The following EDA variants were observed in gnomAD, a reference collection of about 807,000 sequenced individuals.
EDA encodes the protein ectodysplasin A.
EDA carries 2 observed loss-of-function variants against 23.6 expected under a neutral mutation model. That is an observed-to-expected ratio of 0.08 (90% CI 0.03 to 0.27). EDA has a LOEUF of 0.27. Ranked by LOEUF, EDA falls within the 10% of genes least tolerant of loss-of-function variation. The pLI is 1.00. For synonymous variants in EDA, 131 were observed against 132.0 expected (o/e 0.99, Z 0.05); for missense variants, 229 against 324.2 (o/e 0.71, Z 2.26).
intron 1 of EDA, among the ~76,000 whole-genome samples, chrX:69,700,600 G>T (rs1433956756): frequency 1.8e-5 from 2 of 110,775 alleles, no homozygotes; most frequent in Admixed American, 1.9e-4. Context: ...TGGCAAGGAG[G>T]CGAGAAATGA....
chrX:69,805,535 G>C, intron 1 of EDA, among the ~76,000 whole-genome samples: 1 of 111,164 alleles, frequency 9.0e-6, no homozygotes, highest in Non-Finnish European at 1.9e-5. Context: ...CTCTGCTTAG[G>C]AAAGTAAGAC....
chrX:69,980,251 T>C (rs2019386188), intron 2 of EDA, among the ~76,000 whole-genome samples: 1 of 111,942 alleles, frequency 8.9e-6, no homozygotes, highest in Non-Finnish European at 1.9e-5. Context: ...AGACCTTCCT[T>C]CCCATCTTAC....
chrX:69,933,190 A>T (rs954390837), intron 1 of EDA, among the ~76,000 whole-genome samples: 14 of 111,610 alleles, frequency 1.3e-4, no homozygotes, highest in African/African-American at 4.2e-4. Context: ...GTGCTTTTAT[A>T]TATTGGTTAT....
At chrX:69,959,968 AAGG>A (rs983313414) in intron 2 of EDA, among the ~76,000 whole-genome samples, 1 of 111,525 alleles carries the variant, frequency 9.0e-6, no homozygotes, top group Non-Finnish European at 1.9e-5. Context: ...AGGAAGAGGG[AAGG>A]AGATGAGTTA....
intron 1 of EDA, among the ~76,000 whole-genome samples, chrX:69,780,011 T>C (rs1363343436): frequency 9.8e-6 from 1 of 101,660 alleles, no homozygotes; most frequent in Non-Finnish European, 2.0e-5. Context: ...TTAGTAGTCA[T>C]AGTTTAAAGA....
In EDA at chrX:69,783,832, GT is replaced by G. The variant is rs1269227160; in HGVS notation, c.396+167129del. Reference sequence around the variant, plus strand: ...AGTAATGGGATGACTGGGTCAAATGGTATTTCTAGTTCTAGATCCCTGAGGA... The same window carrying G: ...AGTAATGGGATGACTGGGTCAAATGGATTTCTAGTTCTAGATCCCTGAGGA... On this transcript the variant is annotated intron_variant, in intron 1 of 7. Coordinates refer to ENST00000374552, the MANE Select transcript of EDA (RefSeq NM_001399.5). 3.8e-5 allele frequency among the ~76,000 whole-genome samples: 4 copies of G among 104,934 alleles called. No individual in the cohort carries two copies. The East Asian group carries it at 1.2e-3, about 30-fold the overall frequency. 91.1% of individuals were successfully genotyped at this position (104,934 alleles called of 115,157 possible).
intron 2 of EDA, among the ~76,000 whole-genome samples, chrX:70,013,220 G>A (rs1040943522): frequency 9.0e-6 from 1 of 111,516 alleles, no homozygotes; most frequent in Non-Finnish European, 1.9e-5. Flanking sequence ...CAGCTGCAGC[G>A]GTATCGCCCT....
At chrX:69,863,591 A>G (rs1259345744) in intron 1 of EDA, among the ~76,000 whole-genome samples, 2 of 78,386 alleles carry the variant, frequency 2.6e-5, no homozygotes, top group Non-Finnish European at 5.0e-5. Flanking sequence ...GTATATATAC[A>G]TATATGTATA....
chrX:70,019,282 C>T (rs5936823), intron 2 of EDA, among the ~76,000 whole-genome samples: 35,357 of 110,907 alleles, frequency 0.32, 4,679 homozygotes, highest in African/African-American at 0.52. Flanking sequence ...GAAAGCAGTG[C>T]GGTGATTCCT....
intron 2 of EDA, among the ~76,000 whole-genome samples, chrX:70,021,206 G>A (rs960508392): frequency 8.9e-5 from 10 of 111,808 alleles, no homozygotes; most frequent in African/African-American, 2.3e-4. Flanking sequence ...TGTGAGTTGC[G>A]TTTCATTATT....
intron 1 of EDA, among the ~76,000 whole-genome samples, chrX:69,697,990 A>G (rs193254451): frequency 2.5e-3 from 282 of 111,771 alleles, no homozygotes; most frequent in African/African-American, 8.2e-3. Flanking sequence ...GAGCATTTCC[A>G]GGGCTGGGGA....
chrX:69,623,654 ATTTTC>A (rs1163852925), intron 1 of EDA, among the ~76,000 whole-genome samples: 1 of 98,891 alleles, frequency 1.0e-5, no homozygotes, highest in African/African-American at 3.6e-5. Context: ...CATTCTAGGT[ATTTTC>A]TTTTTTTTCT....
chrX:70,035,682 G>T lies in EDA; in HGVS notation c.*73G>T. ...GCCAGGACTCCCAGAACCTCTAAGT[G>T]CTGCTGTGGAGTGAGGTGTATTGGT... is the stretch of plus-strand genomic sequence containing the variant. On this transcript the variant is annotated 3_prime_UTR_variant, in exon 8 of 8. Coordinates refer to ENST00000374552, the MANE Select transcript of EDA (RefSeq NM_001399.5). 8.7e-7 allele frequency: 1 copy of T among 1,146,254 alleles called. No individual in the cohort carries two copies. Among genetic ancestry groups the T allele is most frequent in the Non-Finnish European group, 1.2e-6 (1 of 842,588 alleles). 94.5% of individuals were successfully genotyped at this position (1,146,254 alleles called of 1,213,427 possible). A position where few individuals can be genotyped will look rare whatever the true frequency, so the allele number is the denominator to read the frequency against.
chrX:69,714,953 G>A (rs1161737484), intron 1 of EDA, among the ~76,000 whole-genome samples: 2 of 109,962 alleles, frequency 1.8e-5, no homozygotes, highest in Non-Finnish European at 3.8e-5. Context: ...AGGAATTATA[G>A]TAAACCTGTG....
chrX:69,616,929 G>C, intron 1 of EDA: 1 of 455,077 alleles, frequency 2.2e-6, no homozygotes, highest in Non-Finnish European at 3.8e-6. Context: ...GGAAAGTCTC[G>C]CGCGCGCCCG....
At chrX:69,776,390 G>A (rs894328296) in intron 1 of EDA, among the ~76,000 whole-genome samples, 3 of 111,203 alleles carry the variant, frequency 2.7e-5, no homozygotes, top group Non-Finnish European at 3.8e-5. Context: ...TCCCCATGCT[G>A]TTCTCGTAGT....
At chrX:69,728,827 T>C (rs1389496726) in intron 1 of EDA, among the ~76,000 whole-genome samples, 1 of 111,325 alleles carries the variant, frequency 9.0e-6, no homozygotes, top group Admixed American at 9.6e-5. Flanking sequence ...AGAACACATC[T>C]CTACCCCATG....
intron 1 of EDA, among the ~76,000 whole-genome samples, chrX:69,877,750 A>C (rs1445348338): frequency 1.8e-5 from 2 of 112,143 alleles, no homozygotes; most frequent in Non-Finnish European, 3.8e-5. Flanking sequence ...TCCCAAACCC[A>C]AGGTTACAGA....
chrX:69,941,461 G>A lies in EDA; in HGVS notation c.397-15566G>A, dbSNP rs781672771. ...ATATCTGGGTCTTCCAGTGTTGGGT[G>A]CATATATACATATATTTAAAATTGT... On this transcript the variant is annotated intron_variant, in intron 1 of 7. Transcript: ENST00000374552. Among the ~76,000 whole-genome samples, 5 of 111,134 alleles carry A rather than the reference G, an allele frequency of 4.5e-5. No individual in the cohort carries two copies. In the East Asian group the frequency reaches 1.1e-3, roughly 25 times the overall value.
Sources: gnomAD v4.1 joint callset for allele counts (sites outside exome capture counted in the v4.1 genomes callset) on GRCh38, gnomAD v4.1.1 for gene constraint, MANE v1.5 for transcripts, NCBI Gene and HGNC (gene_info 2026-07-23, HGNC 2026-07-21) for gene names.